The following NXN variants were observed in gnomAD, a reference collection of about 807,000 sequenced individuals.
The protein encoded by NXN is nucleoredoxin 1.
NXN carries 16 observed loss-of-function variants against 48.6 expected under a neutral mutation model. The observed-to-expected ratio is 0.33, with a 90% confidence interval of 0.22 to 0.50. NXN has a LOEUF of 0.50. Among genes scored for constraint, NXN ranks in the 20% least tolerant of loss-of-function variants. NXN has a pLI of 0.98. For missense variants in NXN, 492 were observed against 605.5 expected (o/e 0.81, Z 1.97); for synonymous variants, 281 against 269.6 (o/e 1.04, Z -0.41).
At chr17:960,193 G>A (rs1008314887) in intron 1 of NXN, among the ~76,000 whole-genome samples, 18 of 152,136 alleles carry the variant, frequency 1.2e-4, no homozygotes, top group Non-Finnish European at 2.5e-4. Flanking sequence ...GTAAGCAATG[G>A]GGGTATTTAC....
intron 1 of NXN, among the ~76,000 whole-genome samples, chr17:944,108 G>A (rs1023171237): frequency 5.3e-5 from 8 of 151,252 alleles, no homozygotes; most frequent in African/African-American, 1.2e-4. Context: ...GTGTGGTGAC[G>A]GGTGCCTGTA....
rs373672133 is a variant in NXN at position 814,262 on chromosome 17, AAAAAG to A, written c.820+5172_820+5176del. 6.0e-4 allele frequency among the ~76,000 whole-genome samples: 92 copies of A among 152,238 alleles called. No homozygotes were observed. The East Asian group carries it at 0.017, about 28-fold the overall frequency. ...TGATAGAGTGAGACTCTGTCTCAAA[AAAAAG>A]AAAAGAAAAAAAGAAAAAAGGCTGT... On this transcript the variant is annotated intron_variant, in intron 5 of 7. Coordinates refer to ENST00000336868, the MANE Select transcript of NXN (RefSeq NM_022463.5).
intron 5 of NXN, among the ~76,000 whole-genome samples, chr17:814,735 A>T (rs1912370802): frequency 6.6e-6 from 1 of 152,100 alleles, no homozygotes. Context: ...CACTCAATAC[A>T]TCAAATCCGG....
At chr17:808,100 G>A (rs535861769) in intron 5 of NXN, among the ~76,000 whole-genome samples, 43 of 152,286 alleles carry the variant, frequency 2.8e-4, no homozygotes, top group Admixed American at 1.6e-3. Flanking sequence ...CTGCCAGGCC[G>A]TGGACGCTTC....
intron 1 of NXN, among the ~76,000 whole-genome samples, chr17:965,292 G>T (rs2069288686): frequency 6.6e-6 from 1 of 152,110 alleles, no homozygotes; most frequent in African/African-American, 2.4e-5. Flanking sequence ...GACAAAAGTG[G>T]GAGATTCTCC....
rs541784272 is a variant in NXN at position 884,009 on chromosome 17, G to C, written c.361-57931C>G. On this transcript the variant is annotated intron_variant, in intron 1 of 7. Transcript: ENST00000336868. ...CAAGACGGGCGGATCACGAGGTCAG[G>C]AGATCGAGACCATCCTGGCTAACAT... 7.2e-5 allele frequency among the ~76,000 whole-genome samples: 11 copies of C among 152,260 alleles called. No individual in the cohort carries two copies. The East Asian group carries it at 2.1e-3, about 29-fold the overall frequency.
intron 5 of NXN, among the ~76,000 whole-genome samples, chr17:811,853 C>T (rs1912031941): frequency 6.6e-6 from 1 of 151,628 alleles, no homozygotes; most frequent in Admixed American, 6.6e-5. Flanking sequence ...CCCCTTCACT[C>T]GGCAGGGTGA....
rs1419632472 is a variant in NXN, at chr17:841,517, A to G, written c.361-15439T>C. On this transcript the variant is annotated intron_variant, in intron 1 of 7. Coordinates refer to ENST00000336868, the MANE Select transcript of NXN (RefSeq NM_022463.5). ...CACGGCGCATCTCACACGGGCGAGCAGGTCCCCCCGACCATGGAGCATCTC... is the reference window on the plus strand; with the variant it reads ...CACGGCGCATCTCACACGGGCGAGCGGGTCCCCCCGACCATGGAGCATCTC... Among the ~76,000 whole-genome samples the G allele has an allele frequency of 3.8e-5, 5 of 131,146 alleles. No homozygotes were observed. In the East Asian group the frequency reaches 6.8e-4, roughly 18 times the overall value. 86.0% of individuals were successfully genotyped at this position (131,146 alleles called of 152,430 possible).
chr17:944,666 G>A (rs2069022767), intron 1 of NXN, among the ~76,000 whole-genome samples: 1 of 152,176 alleles, frequency 6.6e-6, no homozygotes, highest in Non-Finnish European at 1.5e-5. Flanking sequence ...GAGGAGGGCG[G>A]AGAAAACCAG....
intron 1 of NXN, among the ~76,000 whole-genome samples, chr17:845,053 C>T (rs549923619): frequency 1.3e-5 from 2 of 152,210 alleles, no homozygotes; most frequent in South Asian, 2.1e-4. Flanking sequence ...TTGACTGACA[C>T]GTCCAGCACA....
At chr17:805,941 G>T (rs1358824813) in intron 5 of NXN, among the ~76,000 whole-genome samples, 1 of 152,112 alleles carries the variant, frequency 6.6e-6, no homozygotes, top group Non-Finnish European at 1.5e-5. Flanking sequence ...TTCCCCAGCT[G>T]CTGGGGGTCA....
At chr17:972,814 G>C (rs558419072) in intron 1 of NXN, among the ~76,000 whole-genome samples, 4 of 152,256 alleles carry the variant, frequency 2.6e-5, no homozygotes, top group Non-Finnish European at 2.9e-5. Context: ...GGTGGATCAC[G>C]AGGTCAGGAG....
At chr17:872,348 A>G (rs533306062) in intron 1 of NXN, among the ~76,000 whole-genome samples, 6 of 151,922 alleles carry the variant, frequency 3.9e-5, no homozygotes, top group African/African-American at 1.4e-4. Flanking sequence ...AAGGAGAGAG[A>G]CAGAGGAACA....
chr17:961,141 C>G (rs1430411416), intron 1 of NXN, among the ~76,000 whole-genome samples: 2 of 151,656 alleles, frequency 1.3e-5, no homozygotes, highest in Non-Finnish European at 2.9e-5. Flanking sequence ...TGCCTGTAAT[C>G]CCAGCACTTT....
intron 1 of NXN, among the ~76,000 whole-genome samples, chr17:943,326 T>A (rs1020918853): frequency 6.6e-6 from 1 of 151,670 alleles, no homozygotes; most frequent in Non-Finnish European, 1.5e-5. Flanking sequence ...CAGAGAAAGG[T>A]CACCAACAGG....
At chr17:837,889 TCA>T (rs2144693971) in intron 1 of NXN, among the ~76,000 whole-genome samples, 1 of 152,268 alleles carries the variant, frequency 6.6e-6, no homozygotes, top group Non-Finnish European at 1.5e-5. Context: ...TTCAGCTGGT[TCA>T]CAGAGAGGAC....
intron 1 of NXN, among the ~76,000 whole-genome samples, chr17:850,248 C>T (rs555354679): frequency 4.6e-5 from 7 of 152,298 alleles, no homozygotes; most frequent in South Asian, 2.1e-4. Context: ...GTCTTCCCCA[C>T]GAGCCCCAGG....
intron 1 of NXN, among the ~76,000 whole-genome samples, chr17:972,706 AC>A (rs1300485219): frequency 6.6e-6 from 1 of 151,872 alleles, no homozygotes; most frequent in Non-Finnish European, 1.5e-5. Context: ...ACATTACAAC[AC>A]CTTCCCAACA....
intron 1 of NXN, among the ~76,000 whole-genome samples, chr17:973,988 C>G (rs2069423515): frequency 6.6e-6 from 1 of 151,546 alleles, no homozygotes; most frequent in Non-Finnish European, 1.5e-5. Flanking sequence ...CATTGTAGGG[C>G]AATTTTTTTG....
Sources: gnomAD v4.1 joint callset for allele counts (sites outside exome capture counted in the v4.1 genomes callset) on GRCh38, gnomAD v4.1.1 for gene constraint, MANE v1.5 for transcripts, NCBI Gene and HGNC (gene_info 2026-07-23, HGNC 2026-07-21) for gene names.